Variants in SGCZ observed in about 807,000 individuals in gnomAD.
The protein encoded by SGCZ is sarcoglycan zeta.
In SGCZ, 40 loss-of-function variants were observed where a neutral mutation model predicts 41.3. The observed-to-expected ratio is 0.97, with a 90% confidence interval of 0.75 to 1.26. The LOEUF is 1.26. Among genes scored for constraint, SGCZ ranks in the 50% most tolerant of loss-of-function variants. The pLI is 0.00. For missense variants in SGCZ, 552 were observed against 369.8 expected (o/e 1.49, Z -4.04); for synonymous variants, 206 against 137.5 (o/e 1.50, Z -3.49).
At chr8:14,597,748 A>G (rs1371185480) in intron 1 of SGCZ, among the ~76,000 whole-genome samples, 2 of 152,138 alleles carry the variant, frequency 1.3e-5, no homozygotes, top group African/African-American at 4.8e-5. Flanking sequence ...AAGTGCTGGG[A>G]TTACAGGTGT....
At chr8:14,379,984 C>T (rs1253924333) in intron 2 of SGCZ, among the ~76,000 whole-genome samples, 3 of 152,142 alleles carry the variant, frequency 2.0e-5, no homozygotes, top group Admixed American at 6.5e-5. Flanking sequence ...CCACCCACCT[C>T]GGCCTCCGAA....
chr8:14,148,628 CA>C (rs1212661667), intron 5 of SGCZ, among the ~76,000 whole-genome samples: 18 of 152,010 alleles, frequency 1.2e-4, no homozygotes, highest in African/African-American at 4.1e-4. Flanking sequence ...GAATGAATAC[CA>C]ATCTTACTCA....
intron 1 of SGCZ, among the ~76,000 whole-genome samples, chr8:14,766,981 A>C (rs144410592): frequency 6.6e-6 from 1 of 152,198 alleles, no homozygotes; most frequent in Non-Finnish European, 1.5e-5. Flanking sequence ...AAAAACATAT[A>C]AATTCTTCAG....
chr8:14,440,541 C>T (rs1004200843), intron 2 of SGCZ, among the ~76,000 whole-genome samples: 1 of 151,946 alleles, frequency 6.6e-6, no homozygotes, highest in Non-Finnish European at 1.5e-5. Context: ...AAAATAAAAT[C>T]ATCACTAGCT....
chr8:14,245,339 T>C (rs975271384), intron 3 of SGCZ, among the ~76,000 whole-genome samples: 1 of 152,150 alleles, frequency 6.6e-6, no homozygotes, highest in Non-Finnish European at 1.5e-5. Context: ...AAACAAGCAA[T>C]GGGGAAAGGA....
chr8:14,403,898 C>A (rs1799142824), intron 2 of SGCZ, among the ~76,000 whole-genome samples: 1 of 151,956 alleles, frequency 6.6e-6, no homozygotes, highest in East Asian at 1.9e-4. Flanking sequence ...CAGTCATAGA[C>A]AAGAAAGTCT....
intron 1 of SGCZ, among the ~76,000 whole-genome samples, chr8:14,778,287 A>T (rs920756874): frequency 6.6e-6 from 1 of 152,254 alleles, no homozygotes; most frequent in Middle Eastern, 3.4e-3. Context: ...TAAGGTGAAA[A>T]ACTGTCACCC....
chr8:14,123,192 A>T (rs900301598), intron 5 of SGCZ, among the ~76,000 whole-genome samples: 1 of 152,238 alleles, frequency 6.6e-6, no homozygotes, highest in African/African-American at 2.4e-5. Flanking sequence ...GCCAAACAAT[A>T]AAGGGGTGAT....
chr8:14,272,437 G>C (rs143176370), intron 3 of SGCZ, among the ~76,000 whole-genome samples: 160 of 152,300 alleles, frequency 1.1e-3, no homozygotes, highest in African/African-American at 3.7e-3. Flanking sequence ...AGTGTGGCTG[G>C]CTCTTCAGAA....
chr8:15,184,152 A>C (rs1296579860), intron 1 of SGCZ, among the ~76,000 whole-genome samples: 1 of 152,232 alleles, frequency 6.6e-6, no homozygotes, highest in Non-Finnish European at 1.5e-5. Context: ...AATTCTCCTT[A>C]ATATGCTTGC....
At chr8:15,009,438 A>G (rs1802745962) in intron 1 of SGCZ, among the ~76,000 whole-genome samples, 1 of 137,476 alleles carries the variant, frequency 7.3e-6, no homozygotes, top group Admixed American at 7.4e-5. Flanking sequence ...TTGGGTGGGG[A>G]CAGAAATCCA....
At chr8:15,112,120 A>C (rs1807090835) in intron 1 of SGCZ, among the ~76,000 whole-genome samples, 1 of 152,156 alleles carries the variant, frequency 6.6e-6, no homozygotes, top group African/African-American at 2.4e-5. Flanking sequence ...TCCAACTAAA[A>C]TGTTCACATC....
intron 2 of SGCZ, among the ~76,000 whole-genome samples, chr8:14,325,873 A>G (rs569121282): frequency 6.8e-5 from 10 of 147,126 alleles, no homozygotes; most frequent in African/African-American, 9.9e-5. Flanking sequence ...AGTACTTCGG[A>G]ACGTAGAGGC....
At chr8:15,081,739 C>A (rs1423228824) in intron 1 of SGCZ, among the ~76,000 whole-genome samples, 1 of 152,020 alleles carries the variant, frequency 6.6e-6, no homozygotes, top group Non-Finnish European at 1.5e-5. Flanking sequence ...ACACCAATTT[C>A]CTTAAGAGGA....
intron 2 of SGCZ, among the ~76,000 whole-genome samples, chr8:14,541,749 C>T (rs1449105256): frequency 6.6e-6 from 1 of 152,112 alleles, no homozygotes; most frequent in Non-Finnish European, 1.5e-5. Context: ...CTCCCATTAA[C>T]AGTGTAAAAG....
At chr8:14,210,038 C>A (rs1469508360) in intron 4 of SGCZ, among the ~76,000 whole-genome samples, 1 of 151,680 alleles carries the variant, frequency 6.6e-6, no homozygotes, top group Non-Finnish European at 1.5e-5. Context: ...GTTATCTACA[C>A]TATTAAGTTT....
intron 1 of SGCZ, among the ~76,000 whole-genome samples, chr8:14,724,088 A>G (rs1809975643): frequency 6.6e-6 from 1 of 152,152 alleles, no homozygotes. Context: ...ATATCAAGTA[A>G]ATTATGATGT....
intron 1 of SGCZ, among the ~76,000 whole-genome samples, chr8:14,742,832 T>C (rs557960499): frequency 2.0e-5 from 3 of 152,192 alleles, no homozygotes; most frequent in African/African-American, 7.2e-5. Flanking sequence ...TATTTACACT[T>C]TACCTTTATC....
At chr8:14,187,344 A>G (rs1037619349) in intron 4 of SGCZ, among the ~76,000 whole-genome samples, 1 of 152,202 alleles carries the variant, frequency 6.6e-6, no homozygotes, top group South Asian at 2.1e-4. Flanking sequence ...TGAACCATAG[A>G]TGAGGAAAAA....
Sources: allele counts gnomAD v4.1 joint callset (sites outside exome capture counted in the v4.1 genomes callset), GRCh38; gene constraint gnomAD v4.1.1; transcripts MANE v1.5; gene names NCBI Gene and HGNC (gene_info 2026-07-23, HGNC 2026-07-21).